SLC19A2: variants seen among roughly 807,000 people sequenced by gnomAD.
SLC19A2 encodes thiamine transporter 1.
Under a neutral mutation model 44.7 loss-of-function variants are expected in SLC19A2, and 27 were observed. The ratio of observed to expected loss-of-function variants is 0.60; its 90% confidence interval spans 0.45 to 0.83. The LOEUF is 0.83. Among genes scored for constraint, SLC19A2 ranks in the 40% least tolerant of loss-of-function variants. The pLI is 0.00. For missense variants in SLC19A2, 566 were observed against 613.7 expected (o/e 0.92, Z 0.82); for synonymous variants, 239 against 243.6 (o/e 0.98, Z 0.18).
Position 169,477,709 on chromosome 1 carries a change from G to A in SLC19A2, c.253C>T (p.Leu85=), listed in dbSNP as rs558674995. ...TCTGTGGCAAGGAACACAGGAAACA[G>A]TAGCACCAGGTAAGAGTAAGTCCAT... ...PVWTYSYLVL[L]FPVFLATDYL... is the part of the protein sequence containing the mutation. The change falls in exon 2 of 6, where the codon CTG becomes TTG. Residue 85 remains leucine (L), a synonymous_variant. Transcript: ENST00000236137. The A allele has an allele frequency of 7.7e-5, 124 of 1,613,090 alleles. 2 individuals are homozygous for A. The South Asian group carries it at 1.3e-3, about 17-fold the overall frequency.
intron 2 of SLC19A2, among the ~76,000 whole-genome samples, chr1:169,475,817 C>A (rs531321426): frequency 6.6e-6 from 1 of 152,200 alleles, no homozygotes; most frequent in African/African-American, 2.4e-5. Context: ...GGGATGATAA[C>A]CTAAATTTCA....
At chr1:169,471,675 C>CGTGTGTGTGTGTGT (rs140548510) in intron 2 of SLC19A2, among the ~76,000 whole-genome samples, 9,961 of 131,396 alleles carry the variant, frequency 0.076, 454 homozygotes, top group Admixed American at 0.15. Flanking sequence ...AAAAAACAAA[C>CGTGTGTGTGTGTGT]GTGTGTGTGT....
At chr1:169,466,651 T>C (rs1405308081) in intron 5 of SLC19A2, among the ~76,000 whole-genome samples, 1 of 152,006 alleles carries the variant, frequency 6.6e-6, no homozygotes, top group Non-Finnish European at 1.5e-5. Context: ...CCTGCATACA[T>C]TAGGTATTTG....
chr1:169,485,368 G>T (rs753899266), intron 1 of SLC19A2, among the ~76,000 whole-genome samples, 195 bp downstream of exon 1: 1 of 152,252 alleles, frequency 6.6e-6, no homozygotes, highest in Non-Finnish European at 1.5e-5. Flanking sequence ...CCCTTCGCAG[G>T]AGACTCGTCC....
chr1:169,485,504 G>T, intron 1 of SLC19A2, 59 bp downstream of exon 1: 1 of 1,531,648 alleles, frequency 6.5e-7, no homozygotes, highest in Non-Finnish European at 8.8e-7. Context: ...CTCTTCCTCC[G>T]CTGCCCACCC....
chr1:169,482,235 T>TA, intron 1 of SLC19A2, among the ~76,000 whole-genome samples: 1 of 147,876 alleles, frequency 6.8e-6, no homozygotes, highest in East Asian at 2.0e-4. Context: ...ATTAAAAAAT[T>TA]TAAAAAAAAA....
intron 1 of SLC19A2, 75 bp downstream of exon 1, chr1:169,485,488 G>C: frequency 1.3e-6 from 2 of 1,489,672 alleles, no homozygotes; most frequent in East Asian, 2.5e-5. Context: ...CGCTTTTCTC[G>C]GTCCTCTCTT....
intron 1 of SLC19A2, 112 bp downstream of exon 1, chr1:169,485,451 A>G: frequency 8.0e-7 from 1 of 1,251,532 alleles, no homozygotes; most frequent in Non-Finnish European, 1.1e-6. Context: ...TGGCAAAATC[A>G]GAAATCTCTG....
intron 1 of SLC19A2, among the ~76,000 whole-genome samples, chr1:169,483,001 A>C (rs138992997): frequency 1.7e-3 from 253 of 152,390 alleles, no homozygotes; most frequent in African/African-American, 5.5e-3. Flanking sequence ...AAAAGTTTTT[A>C]GAGATAAAGA....
In SLC19A2 at chr1:169,476,377, T is replaced by TAA. The variant is rs1202384146; in HGVS notation, c.807+777_807+778insTT. On this transcript the variant is annotated intron_variant, in intron 2 of 5. Transcript: ENST00000236137. The stretch of plus-strand genomic sequence containing the variant: ...TGTCATTTGAAAAATAAATAACAGA[T>TAA]ATCCCTTCTAGCACAGAAGAGGAAA... Among the ~76,000 whole-genome samples the TAA allele has an allele frequency of 5.3e-5, 8 of 152,338 alleles. No homozygotes were observed. The South Asian group carries it at 1.0e-3, about 20-fold the overall frequency.
At chr1:169,470,462 G>A (rs1032614710) in intron 2 of SLC19A2, among the ~76,000 whole-genome samples, 8 of 152,174 alleles carry the variant, frequency 5.3e-5, no homozygotes, top group Non-Finnish European at 1.2e-4. Flanking sequence ...AAAAGAGACC[G>A]CAGGCTTCAG....
chr1:169,475,502 C>A (rs1658284262), intron 2 of SLC19A2, among the ~76,000 whole-genome samples: 1 of 152,076 alleles, frequency 6.6e-6, no homozygotes, highest in Admixed American at 6.5e-5. Context: ...TATTTATACA[C>A]ATATTATCTG....
At chr1:169,476,996 G>A (rs1658335549) in intron 2 of SLC19A2, among the ~76,000 whole-genome samples, 159 bp downstream of exon 2, 1 of 150,784 alleles carries the variant, frequency 6.6e-6, no homozygotes, top group African/African-American at 2.5e-5. Context: ...ACCATAGCTT[G>A]AATGAATGAA....
At chr1:169,484,791 A>T (rs1480996933) in intron 1 of SLC19A2, among the ~76,000 whole-genome samples, 2 of 152,214 alleles carry the variant, frequency 1.3e-5, no homozygotes, top group Non-Finnish European at 2.9e-5. Context: ...TTGATGATGG[A>T]CTACGTGCTC....
At position 169,476,293 on chromosome 1, in the gene SLC19A2, A is replaced by G. The variant is rs1296911580; in HGVS notation, c.807+862T>C. 5.3e-5 allele frequency among the ~76,000 whole-genome samples: 8 copies of G among 152,218 alleles called. No homozygotes were observed. In the East Asian group the frequency reaches 1.5e-3, roughly 29 times the overall value. ...TACTATTTATTCCATCACCACCTCA[A>G]ACTGTCCTCTTGTGATCTCTTCGTC... On this transcript the variant is annotated intron_variant, in intron 2 of 5. Coordinates refer to ENST00000236137, the MANE Select transcript of SLC19A2 (RefSeq NM_006996.3).
At chr1:169,479,678 C>G (rs1432415580) in intron 1 of SLC19A2, among the ~76,000 whole-genome samples, 1 of 152,244 alleles carries the variant, frequency 6.6e-6, no homozygotes, top group Non-Finnish European at 1.5e-5. Context: ...ATTCTTCCAA[C>G]AACAATCACT....
chr1:169,468,304 A>C (rs1466139346), intron 4 of SLC19A2, 52 bp from the exon 5 acceptor site: 1 of 1,430,426 alleles, frequency 7.0e-7, no homozygotes, highest in East Asian at 2.5e-5. Context: ...TGGAGTACTT[A>C]TAATATTTAT....
rs1438885159 is a variant in SLC19A2 at position 169,463,911 on chromosome 1, T to C, written c.*1938A>G. 6.6e-6 allele frequency: 1 copy of C among 151,804 alleles called. No homozygotes were observed. Among genetic ancestry groups the C allele is most frequent in the Admixed American group, 6.6e-5 (1 of 15,258 alleles). 9.4% of individuals were successfully genotyped at this position (151,804 alleles called of 1,614,324 possible). On this transcript the variant is annotated 3_prime_UTR_variant, in exon 6 of 6. Coordinates refer to ENST00000236137, the MANE Select transcript of SLC19A2 (RefSeq NM_006996.3). ...AATAGAAGATAAATTTAAAACAATTTTGATTAAAAAGAGAAAATATACTGT... is the reference window on the plus strand; with the variant it reads ...AATAGAAGATAAATTTAAAACAATTCTGATTAAAAAGAGAAAATATACTGT...
In SLC19A2 at chr1:169,477,210, TC is replaced by T. The variant is rs762044278; in HGVS notation, c.751del (p.Glu251ArgfsTer9). 1 of 1,614,058 alleles carries T rather than the reference TC, an allele frequency of 6.2e-7. No individual in the cohort carries two copies. The highest frequency in any genetic ancestry group is 2.2e-5 in the East Asian group (1 of 44,884). ...TPASNHLPGW[E>X]DIESKIPLNM... ...TAGAGGGATTTTTGACTCAATGTCC[TC>T]CCAGCCAGGAAGGTGGTTAGAAGCT... On this transcript the variant is annotated frameshift_variant, in exon 2 of 6. Transcript: ENST00000236137. LOFTEE classifies it high-confidence loss of function.
Sources: gnomAD v4.1 joint callset for allele counts (sites outside exome capture counted in the v4.1 genomes callset) on GRCh38, gnomAD v4.1.1 for gene constraint, MANE v1.5 for transcripts, NCBI Gene and HGNC (gene_info 2026-07-23, HGNC 2026-07-21) for gene names.